The following EZH1 variants were observed in gnomAD, a reference collection of about 807,000 sequenced individuals.
EZH1 encodes histone-lysine N-methyltransferase EZH1.
A neutral mutation model predicts 100.5 loss-of-function variants in EZH1; 33 were observed. That is an observed-to-expected ratio of 0.33 (90% confidence interval 0.25 to 0.44). The LOEUF (loss-of-function observed/expected upper bound fraction) is 0.44, where lower values mean the gene tolerates loss of function less well. Ranked by LOEUF, EZH1 falls within the 20% of genes least tolerant of loss-of-function variation. The pLI is 1.00. For synonymous variants in EZH1, 272 were observed against 313.8 expected, an observed-to-expected ratio of 0.87 and a Z score of 1.41; for missense variants, 475 against 928.4, an observed-to-expected ratio of 0.51 and a Z score of 6.35.
intron 11 of EZH1, among the ~76,000 whole-genome samples, 165 bp from the exon 12 acceptor site, chr17:42,712,650 C>T (rs1455592527): frequency 6.6e-6 from 1 of 152,196 alleles, no homozygotes; most frequent in Admixed American, 6.5e-5. Context: ...CGCCTGTAAT[C>T]CCTGCATTTT....
chr17:42,727,141 C>A (rs781692408), intron 4 of EZH1, among the ~76,000 whole-genome samples: 1 of 151,984 alleles, frequency 6.6e-6, no homozygotes, highest in Non-Finnish European at 1.5e-5. Context: ...TGAGCCACTG[C>A]GTCCAGCCCC....
rs2053324715 is a variant in EZH1, at chr17:42,705,078, T to C, written c.1935+10A>G. The C allele has an allele frequency of 5.0e-6, 8 of 1,609,048 alleles. No individual in the cohort carries two copies. Among genetic ancestry groups the C allele is most frequent in the Middle Eastern group, 1.7e-4 (1 of 6,046 alleles). ...CGAGTAAGAATGTGGGCCAAAACTATAGCACTCACCTCACCACAGTATTCA... is the reference window on the plus strand; with the variant it reads ...CGAGTAAGAATGTGGGCCAAAACTACAGCACTCACCTCACCACAGTATTCA... On this transcript the variant is annotated intron_variant, in intron 17 of 20. Transcript: ENST00000428826.
chr17:42,713,587 G>C (rs1436845306), intron 10 of EZH1, among the ~76,000 whole-genome samples, 198 bp from the exon 11 acceptor site: 1 of 152,070 alleles, frequency 6.6e-6, no homozygotes, highest in Non-Finnish European at 1.5e-5. Context: ...CAAAAGAGTT[G>C]TCCTATAATG....
chr17:42,732,925 C>T (rs1218213738), intron 1 of EZH1, among the ~76,000 whole-genome samples: 1 of 151,622 alleles, frequency 6.6e-6, no homozygotes, highest in Non-Finnish European at 1.5e-5. Context: ...GCGCTCCAGC[C>T]TGGGCAACAG....
chr17:42,733,051 G>C (rs1020229751), intron 1 of EZH1, among the ~76,000 whole-genome samples: 6 of 128,168 alleles, frequency 4.7e-5, no homozygotes, highest in African/African-American at 1.8e-4. Context: ...AAAAAAAAAA[G>C]AAAAAGCCAG....
chr17:42,712,526 T>A, intron 11 of EZH1, 41 bp from the exon 12 acceptor site: 2 of 1,577,692 alleles, frequency 1.3e-6, no homozygotes, highest in Non-Finnish European at 1.7e-6. Flanking sequence ...GAAGGTAGAA[T>A]GCAGTTGTCA....
intron 19 of EZH1, chr17:42,703,199 G>C: frequency 2.2e-6 from 1 of 459,560 alleles, no homozygotes. Context: ...TTTTGAGACA[G>C]AGTCTTGCTC....
chr17:42,715,967 A>T (rs997934539), intron 10 of EZH1, among the ~76,000 whole-genome samples: 1 of 151,976 alleles, frequency 6.6e-6, no homozygotes, highest in African/African-American at 2.4e-5. Flanking sequence ...GAATCGTTTG[A>T]ACCCGGGAGG....
intron 6 of EZH1, among the ~76,000 whole-genome samples, chr17:42,722,175 G>C (rs1203462642): frequency 2.0e-5 from 3 of 149,102 alleles, no homozygotes; most frequent in East Asian, 3.9e-4. Context: ...AAAAAAGCCA[G>C]GTGTGGTGGA....
intron 1 of EZH1, among the ~76,000 whole-genome samples, chr17:42,740,637 A>C (rs1302119343): frequency 6.6e-6 from 1 of 152,186 alleles, no homozygotes; most frequent in African/African-American, 2.4e-5. Flanking sequence ...GACATGAGCC[A>C]CCGTGCCCAG....
chr17:42,737,915 G>A (rs1165754633), intron 1 of EZH1, among the ~76,000 whole-genome samples: 2 of 152,054 alleles, frequency 1.3e-5, no homozygotes, highest in Non-Finnish European at 2.9e-5. Context: ...GGTGGCTCAC[G>A]CCTGCAATCA....
At chr17:42,713,601 TTTTG>T (rs1406310080) in intron 10 of EZH1, among the ~76,000 whole-genome samples, 4 of 152,058 alleles carry the variant, frequency 2.6e-5, no homozygotes, top group South Asian at 2.1e-4. Context: ...TATAATGTTT[TTTTG>T]TTTGTTTGTT....
chr17:42,728,817 T>A lies in EZH1; in HGVS notation c.117+8A>T, dbSNP rs1275560203. 1.2e-6 allele frequency: 2 copies of A among 1,611,356 alleles called. No individual in the cohort carries two copies. The highest frequency in any genetic ancestry group is 2.2e-5 in the East Asian group (1 of 44,828). On this transcript the variant is annotated splice_region_variant and intron_variant, in intron 3 of 20. Transcript: ENST00000428826. ...TATATAAACTTTCACTTGGGAATTA[T>A]TTTTTACCTTTGCACCCATATTTGC...
At position 42,706,699 on chromosome 17, in the gene EZH1, A is replaced by T. The variant is rs973679563; in HGVS notation, c.1661-514T>A. ...CTGAGATCCTGTCTCAAAAAAATTTAAAAAATGAAAAAAAAAGCAGGTATA... is the reference window on the plus strand; with the variant it reads ...CTGAGATCCTGTCTCAAAAAAATTTTAAAAATGAAAAAAAAAGCAGGTATA... On this transcript the variant is annotated intron_variant, in intron 15 of 20. Transcript: ENST00000428826. This position sits in a 1 kb window ranked among gnomAD's most constrained non-coding sequence, Gnocchi z 4.4. 4.6e-5 allele frequency among the ~76,000 whole-genome samples: 7 copies of T among 152,104 alleles called. No homozygotes were observed. In the East Asian group the frequency reaches 7.7e-4, roughly 17 times the overall value.
At position 42,706,279 on chromosome 17, in the gene EZH1, G is replaced by T; in HGVS notation, c.1661-94C>A. On this transcript the variant is annotated intron_variant, in intron 15 of 20. Coordinates refer to ENST00000428826, the MANE Select transcript of EZH1 (RefSeq NM_001991.5). This position sits in a 1 kb window ranked among gnomAD's most constrained non-coding sequence, Gnocchi z 4.4. ...GGGACAGCAAAGAAGTAAATTTTTT[G>T]TGTTCAAGGATGTTTGGCAAAATAA... 8.3e-7 allele frequency: 1 copy of T among 1,209,908 alleles called. No homozygotes were observed. Among genetic ancestry groups the T allele is most frequent in the East Asian group, 2.6e-5 (1 of 38,704 alleles). The allele number at this position is 1,209,908 out of a possible 1,614,324, so 74.9% of individuals were successfully genotyped here. A position where few individuals can be genotyped will look rare whatever the true frequency, so the allele number is the denominator to read the frequency against.
rs1274733492 is a variant in EZH1 at position 42,712,285 on chromosome 17, G to T, written c.1401+4C>A. ...CCATTTGTTCTGCTGCTTCCAGATG[G>T]TACCTGCTTGCACGTCTTGGTCCCC... On this transcript the variant is annotated splice_donor_region_variant and intron_variant, in intron 12 of 20. Coordinates refer to ENST00000428826, the MANE Select transcript of EZH1 (RefSeq NM_001991.5). 1 of 1,613,036 alleles carries T rather than the reference G, an allele frequency of 6.2e-7. No individual in the cohort carries two copies. Among genetic ancestry groups the T allele is most frequent in the Non-Finnish European group, 8.5e-7 (1 of 1,179,816 alleles).
chr17:42,726,417 G>T (rs752428306), intron 4 of EZH1, among the ~76,000 whole-genome samples: 1 of 151,588 alleles, frequency 6.6e-6, no homozygotes, highest in East Asian at 1.9e-4. Context: ...GGTGTTGGAG[G>T]TTACAGTAAG....
intron 2 of EZH1, 43 bp downstream of exon 2, chr17:42,730,785 C>T (rs544255963): frequency 6.1e-5 from 57 of 936,108 alleles, no homozygotes; most frequent in Non-Finnish European, 6.2e-5. Flanking sequence ...CGTGAGCCAC[C>T]GCGCCCGGCC....
At chr17:42,710,018 A>G (rs906276270) in intron 12 of EZH1, 81 bp from the exon 13 acceptor site, 43 of 1,246,040 alleles carry the variant, frequency 3.5e-5, no homozygotes, top group Non-Finnish European at 4.7e-5. Flanking sequence ...TGGCCTTGGG[A>G]GGGTTCTGAG....
Sources: allele counts gnomAD v4.1 joint callset (sites outside exome capture counted in the v4.1 genomes callset), GRCh38; gene constraint gnomAD v4.1.1; non-coding constraint Gnocchi (gnomAD v3.1); transcripts MANE v1.5; gene names NCBI Gene and HGNC (gene_info 2026-07-23, HGNC 2026-07-21).